The following TMEM108 variants were observed in gnomAD, a reference collection of about 807,000 sequenced individuals.
TMEM108 encodes the protein transmembrane protein 108, also known as cancer/testis antigen 124.
In TMEM108, 12 loss-of-function variants were observed where a neutral mutation model predicts 35.1. The ratio of observed to expected loss-of-function variants is 0.34; its 90% CI spans 0.22 to 0.55. The LOEUF (loss-of-function observed/expected upper bound fraction) is 0.55. Among genes scored for constraint, TMEM108 ranks in the 20% least tolerant of loss-of-function variants. The pLI is 0.89. For synonymous variants in TMEM108, 287 were observed against 308.6 expected, an observed-to-expected ratio of 0.93 and a Z score of 0.73; for missense variants, 680 against 753.3, an observed-to-expected ratio of 0.90 and a Z score of 1.14.
At chr3:133,214,191 G>A (rs1302220254) in intron 2 of TMEM108, among the ~76,000 whole-genome samples, 1 of 152,122 alleles carries the variant, frequency 6.6e-6, no homozygotes, top group Non-Finnish European at 1.5e-5. Context: ...AGTATATCTA[G>A]TACCATTCTT....
intron 3 of TMEM108, among the ~76,000 whole-genome samples, chr3:133,321,494 C>T (rs2071267269): frequency 6.6e-6 from 1 of 152,146 alleles, no homozygotes; most frequent in Non-Finnish European, 1.5e-5. Context: ...ATGCACCTAA[C>T]ATTGGAGCTT....
chr3:133,307,439 C>G (rs1002923246), intron 3 of TMEM108, among the ~76,000 whole-genome samples: 2 of 152,098 alleles, frequency 1.3e-5, no homozygotes, highest in African/African-American at 4.8e-5. Context: ...GACATGAAGT[C>G]CTTGCCCATG....
At chr3:133,093,706 G>T (rs912108956) in intron 2 of TMEM108, among the ~76,000 whole-genome samples, 3 of 152,224 alleles carry the variant, frequency 2.0e-5, no homozygotes, top group African/African-American at 7.2e-5. Flanking sequence ...ACTTAATTCT[G>T]ATGGGGACGG....
At chr3:133,059,150 C>T (rs1466421620) in intron 2 of TMEM108, among the ~76,000 whole-genome samples, 1 of 152,174 alleles carries the variant, frequency 6.6e-6, no homozygotes, top group East Asian at 1.9e-4. Flanking sequence ...TGTGTGAGGG[C>T]TCTACCCTCA....
At chr3:133,170,552 G>A (rs561015183) in intron 2 of TMEM108, among the ~76,000 whole-genome samples, 2 of 152,230 alleles carry the variant, frequency 1.3e-5, no homozygotes, top group South Asian at 2.1e-4. Flanking sequence ...CCAATATTTA[G>A]AAACACATTA....
intron 3 of TMEM108, among the ~76,000 whole-genome samples, chr3:133,353,909 T>C (rs1370595587): frequency 6.6e-6 from 1 of 152,200 alleles, no homozygotes; most frequent in African/African-American, 2.4e-5. Context: ...ACATGGTCTC[T>C]TCCAAACTTT....
intron 2 of TMEM108, among the ~76,000 whole-genome samples, chr3:133,130,415 G>T (rs187763741): frequency 1.3e-5 from 2 of 152,322 alleles, no homozygotes; most frequent in African/African-American, 4.8e-5. Flanking sequence ...ATCATCTGAA[G>T]CTAGCCCACT....
At chr3:133,142,952 C>T (rs1944661726) in intron 2 of TMEM108, among the ~76,000 whole-genome samples, 1 of 152,134 alleles carries the variant, frequency 6.6e-6, no homozygotes. Context: ...AGATTATGCA[C>T]CTAATAAGTG....
At chr3:133,308,301 T>C (rs1167904991) in intron 3 of TMEM108, among the ~76,000 whole-genome samples, 1 of 152,180 alleles carries the variant, frequency 6.6e-6, no homozygotes. Context: ...TCATGTCATC[T>C]GCAAACAGAA....
chr3:133,133,401 CT>C (rs1944518142), intron 2 of TMEM108, among the ~76,000 whole-genome samples: 1 of 152,218 alleles, frequency 6.6e-6, no homozygotes, highest in Admixed American at 6.5e-5. Flanking sequence ...AAGGTATGTA[CT>C]TTTTTTAGAC....
intron 2 of TMEM108, among the ~76,000 whole-genome samples, chr3:133,097,220 C>T (rs372373376): frequency 6.6e-6 from 1 of 152,158 alleles, no homozygotes; most frequent in African/African-American, 2.4e-5. Context: ...AATTTAAACA[C>T]CTTTTATTCA....
intron 2 of TMEM108, among the ~76,000 whole-genome samples, chr3:133,191,136 T>G (rs115716531): frequency 0.017 from 2,604 of 152,264 alleles, 94 homozygotes; most frequent in African/African-American, 0.059. Flanking sequence ...AGTACTGTTA[T>G]GAATAGAACT....
intron 2 of TMEM108, among the ~76,000 whole-genome samples, chr3:133,147,730 G>A (rs991226032): frequency 1.3e-5 from 2 of 152,136 alleles, no homozygotes; most frequent in African/African-American, 4.8e-5. Flanking sequence ...GACCACATCA[G>A]TATTTTCCCC....
intron 2 of TMEM108, among the ~76,000 whole-genome samples, chr3:133,185,404 C>A (rs1945404112): frequency 6.6e-6 from 1 of 151,294 alleles, no homozygotes; most frequent in African/African-American, 2.4e-5. Context: ...ACCCTGCCTT[C>A]ACTTCTGCCT....
At chr3:133,065,645 A>C (rs961094096) in intron 2 of TMEM108, among the ~76,000 whole-genome samples, 1 of 152,192 alleles carries the variant, frequency 6.6e-6, no homozygotes, top group Non-Finnish European at 1.5e-5. Context: ...TTTTATTCAT[A>C]ACTGGGCCAA....
chr3:133,322,271 C>G (rs1420353022), intron 3 of TMEM108, among the ~76,000 whole-genome samples: 1 of 151,794 alleles, frequency 6.6e-6, no homozygotes. Flanking sequence ...ATTGATAGAC[C>G]ATTAGCAAGA....
rs1484418392 is a variant in TMEM108 at position 133,225,946 on chromosome 3, A to C, written c.-46-3320A>C. Among the ~76,000 whole-genome samples, 4 of 152,256 alleles carry C rather than the reference A, an allele frequency of 2.6e-5. No homozygotes were observed. In the East Asian group the frequency reaches 7.7e-4, roughly 29 times the overall value. ...TGCGACACAGTCTCAGGAGGTCCTT[A>C]GAACATGTGCCCAAGATGGTTGGGT... On this transcript the variant is annotated intron_variant, in intron 2 of 5. Transcript: ENST00000321871.
chr3:133,162,117 A>G (rs1944969254), intron 2 of TMEM108, among the ~76,000 whole-genome samples: 1 of 152,028 alleles, frequency 6.6e-6, no homozygotes. Flanking sequence ...ACTATCCTAA[A>G]TAGCTGTACT....
chr3:133,126,939 C>T (rs1433508815), intron 2 of TMEM108, among the ~76,000 whole-genome samples: 2 of 151,994 alleles, frequency 1.3e-5, no homozygotes, highest in Non-Finnish European at 2.9e-5. Context: ...AATATTTTTA[C>T]TGGGCAGTTG....
Sources: gnomAD v4.1 joint callset for allele counts (sites outside exome capture counted in the v4.1 genomes callset) on GRCh38, gnomAD v4.1.1 for gene constraint, MANE v1.5 for transcripts, NCBI Gene and HGNC (gene_info 2026-07-23, HGNC 2026-07-21) for gene names.